PLCB1: variants seen among roughly 807,000 people sequenced by gnomAD.
PLCB1 encodes the protein phospholipase C beta 1, also known as 1-phosphatidylinositol 4,5-bisphosphate phosphodiesterase beta-1.
PLCB1 carries 46 observed loss-of-function variants against 161.8 expected under a neutral mutation model. That is an observed-to-expected ratio of 0.28 (90% confidence interval 0.22 to 0.36). The LOEUF (loss-of-function observed/expected upper bound fraction) is 0.36, where lower values mean the gene tolerates loss of function less well. Among genes scored for constraint, PLCB1 ranks in the 10% least tolerant of loss-of-function variants. PLCB1 has a pLI of 1.00. For missense variants in PLCB1, 1,016 were observed against 1,472.5 expected, an observed-to-expected ratio of 0.69 and a Z score of 5.07; for synonymous variants, 517 against 503.7, an observed-to-expected ratio of 1.03 and a Z score of -0.35.
In PLCB1 at chr20:8,600,647, T is replaced by C. The variant is rs1370959814; in HGVS notation, c.247-27647T>C. 4 of 151,492 alleles carry C rather than the reference T, an allele frequency of 2.6e-5. No individual in the cohort carries two copies. The South Asian group carries it at 5.9e-4, about 22-fold the overall frequency. The allele number at this position is 151,492 out of a possible 1,614,324, so 9.4% of individuals were successfully genotyped here. ...CTCCACCCAGTTCGCGCTTCCCGGC[T>C]GCTTTGTTTACCTAAGCAAGCCTGG... On this transcript the variant is annotated intron_variant, in intron 3 of 31. Coordinates refer to ENST00000338037, the MANE Select transcript of PLCB1 (RefSeq NM_015192.4).
At chr20:8,378,001 A>G (rs1216091235) in intron 3 of PLCB1, among the ~76,000 whole-genome samples, 1 of 152,234 alleles carries the variant, frequency 6.6e-6, no homozygotes, top group African/African-American at 2.4e-5. Flanking sequence ...TGGGATTGCC[A>G]GCATTTAGAC....
At chr20:8,579,187 T>C (rs1379901830) in intron 3 of PLCB1, among the ~76,000 whole-genome samples, 1 of 152,238 alleles carries the variant, frequency 6.6e-6, no homozygotes, top group Non-Finnish European at 1.5e-5. Context: ...GCAAATGAGA[T>C]GTTGGCAAAT....
At chr20:8,304,633 G>A (rs1278777659) in intron 2 of PLCB1, among the ~76,000 whole-genome samples, 1 of 150,298 alleles carries the variant, frequency 6.7e-6, no homozygotes, top group Non-Finnish European at 1.5e-5. Context: ...CTTTGAGAGT[G>A]CTTTGTGTGT....
chr20:8,181,119 C>A (rs2051837768), intron 2 of PLCB1, among the ~76,000 whole-genome samples: 1 of 151,608 alleles, frequency 6.6e-6, no homozygotes, highest in South Asian at 2.1e-4. Flanking sequence ...GGCGTGGTGG[C>A]ATGCCTGTAA....
At chr20:8,378,246 A>T (rs1433598692) in intron 3 of PLCB1, among the ~76,000 whole-genome samples, 1 of 152,254 alleles carries the variant, frequency 6.6e-6, no homozygotes, top group Admixed American at 6.5e-5. Flanking sequence ...GAGTGAAATA[A>T]GCCAGACATA....
At chr20:8,581,107 T>A (rs538570813) in intron 3 of PLCB1, among the ~76,000 whole-genome samples, 1 of 152,290 alleles carries the variant, frequency 6.6e-6, no homozygotes, top group Admixed American at 6.5e-5. Flanking sequence ...AGAAATAATA[T>A]AAACAACCTG....
intron 31 of PLCB1, among the ~76,000 whole-genome samples, chr20:8,849,127 A>G (rs991173573): frequency 6.6e-6 from 1 of 152,196 alleles, no homozygotes; most frequent in Non-Finnish European, 1.5e-5. Context: ...CTAAAATGCT[A>G]TAGTTATATG....
Position 8,589,362 on chromosome 20 carries a change from T to C in PLCB1, c.247-38932T>C, listed in dbSNP as rs368258645. ...CCTTGCCTTTGAAAAATTCAGCATC[T>C]TGTGGGGAGATGGTCCCTGTCTTAA... On this transcript the variant is annotated intron_variant, in intron 3 of 31. Coordinates refer to ENST00000338037, the MANE Select transcript of PLCB1 (RefSeq NM_015192.4). 5.9e-5 allele frequency among the ~76,000 whole-genome samples: 9 copies of C among 152,284 alleles called. No individual in the cohort carries two copies. The East Asian group carries it at 1.5e-3, about 26-fold the overall frequency.
chr20:8,282,319 C>G lies in PLCB1; in HGVS notation c.178-89063C>G, dbSNP rs986756039. On this transcript the variant is annotated intron_variant, in intron 2 of 31. Transcript: ENST00000338037. Reference sequence around the variant, plus strand: ...CTTTCCCTTATGATCCTATTCTTGACTTTTATTACCTCATTGGAGGACAAG... The same window carrying G: ...CTTTCCCTTATGATCCTATTCTTGAGTTTTATTACCTCATTGGAGGACAAG... 7.2e-5 allele frequency among the ~76,000 whole-genome samples: 11 copies of G among 152,144 alleles called. 1 individual carries two copies. Among genetic ancestry groups the G allele is most frequent in the Admixed American group, 1.3e-4 (2 of 15,258 alleles).
At chr20:8,229,847 A>G (rs1979908796) in intron 2 of PLCB1, among the ~76,000 whole-genome samples, 1 of 150,576 alleles carries the variant, frequency 6.6e-6, no homozygotes, top group Admixed American at 6.6e-5. Flanking sequence ...ACATGGTGAG[A>G]GCCCATCTCA....
At chr20:8,223,615 C>G (rs1200787616) in intron 2 of PLCB1, among the ~76,000 whole-genome samples, 2 of 152,042 alleles carry the variant, frequency 1.3e-5, no homozygotes, top group Non-Finnish European at 2.9e-5. Flanking sequence ...GGCAAAAAAT[C>G]TTGGTTAAAT....
chr20:8,718,112 C>G (rs993794584), intron 14 of PLCB1, among the ~76,000 whole-genome samples: 4 of 151,894 alleles, frequency 2.6e-5, no homozygotes, highest in Admixed American at 2.0e-4. Context: ...CCCAGCTACT[C>G]GGGAGGCTGA....
chr20:8,135,071 A>G (rs1305329534), intron 1 of PLCB1, among the ~76,000 whole-genome samples: 1 of 152,114 alleles, frequency 6.6e-6, no homozygotes, highest in Non-Finnish European at 1.5e-5. Context: ...TCCAGAATCA[A>G]GCCAGTTCAA....
Position 8,760,422 on chromosome 20 carries a change from C to G in PLCB1, c.2672C>G (p.Pro891Arg). 6.2e-7 allele frequency: 1 copy of G among 1,609,370 alleles called. No homozygotes were observed. Among genetic ancestry groups the G allele is most frequent in the Non-Finnish European group, 8.5e-7 (1 of 1,176,228 alleles). The change falls in exon 25 of 32, where the codon CCT becomes CGT. Residue 891 changes from proline to arginine, a missense_variant. Pro to Arg is a moderately radical substitution (Grantham distance 103). Around this residue, in one of 10 missense-constraint regions of PLCB1, gnomAD observed 398 missense variants for 445.4 expected, o/e 0.89. Transcript: ENST00000338037. Reference protein sequence around the residue: ...SQPAPGSVKAPAKTEDLIQSV... With the variant: ...SQPAPGSVKARAKTEDLIQSV... Reference sequence around the variant, plus strand: ...TATATTACAGGTTCTGTAAAGGCACCTGCCAAAACAGAAGATCTTATTCAG... The same window carrying G: ...TATATTACAGGTTCTGTAAAGGCACGTGCCAAAACAGAAGATCTTATTCAG...
At chr20:8,423,429 C>A (rs1039943659) in intron 3 of PLCB1, among the ~76,000 whole-genome samples, 4 of 152,136 alleles carry the variant, frequency 2.6e-5, no homozygotes, top group African/African-American at 9.7e-5. Flanking sequence ...GGTACGTAAA[C>A]AGCTTACTGG....
chr20:8,670,590 C>G (rs962958839), intron 9 of PLCB1, among the ~76,000 whole-genome samples: 6 of 151,952 alleles, frequency 3.9e-5, no homozygotes, highest in African/African-American at 1.4e-4. Flanking sequence ...ATATATGACA[C>G]TTTTCAACTT....
At chr20:8,556,778 A>G (rs1442003867) in intron 3 of PLCB1, among the ~76,000 whole-genome samples, 2 of 151,818 alleles carry the variant, frequency 1.3e-5, no homozygotes, top group Non-Finnish European at 1.5e-5. Flanking sequence ...TTCAGAGTCC[A>G]TACAACAAAA....
At chr20:8,757,589 A>C (rs139436000) in intron 24 of PLCB1, among the ~76,000 whole-genome samples, 1 of 152,234 alleles carries the variant, frequency 6.6e-6, no homozygotes, top group Non-Finnish European at 1.5e-5. Context: ...AACATCTTTG[A>C]GTGTCTGCCC....
chr20:8,522,355 C>T (rs1286459076), intron 3 of PLCB1, among the ~76,000 whole-genome samples: 2 of 152,138 alleles, frequency 1.3e-5, no homozygotes, highest in Admixed American at 6.5e-5. Context: ...ATTTAATACA[C>T]CCATTTTATC....
Sources: allele counts gnomAD v4.1 joint callset (sites outside exome capture counted in the v4.1 genomes callset), GRCh38; gene constraint gnomAD v4.1.1; regional missense constraint gnomAD v4.1.1; transcripts MANE v1.5; gene names NCBI Gene and HGNC (gene_info 2026-07-23, HGNC 2026-07-21).